The following FOXP4 variants were observed in gnomAD, a reference collection of about 807,000 sequenced individuals.
The protein encoded by FOXP4 is forkhead box P4, also known as forkhead box protein P4.
A neutral mutation model predicts 82.6 loss-of-function variants in FOXP4; 25 were observed. The ratio of observed to expected loss-of-function variants is 0.30; its 90% CI spans 0.22 to 0.42. The LOEUF (loss-of-function observed/expected upper bound fraction) is 0.42. Among genes scored for constraint, FOXP4 ranks in the 10% least tolerant of loss-of-function variants. FOXP4 has a pLI of 1.00. For synonymous variants in FOXP4, 415 were observed against 388.2 expected (o/e 1.07, Z -0.81); for missense variants, 785 against 900.9 (o/e 0.87, Z 1.65).
chr6:41,589,720 G>A (rs760058760), intron 9 of FOXP4, 51 bp from the exon 10 acceptor site: 2 of 1,568,824 alleles, frequency 1.3e-6, no homozygotes, highest in Non-Finnish European at 1.7e-6. Context: ...GGACAACACT[G>A]CCTCCAGGGT....
intron 1 of FOXP4, among the ~76,000 whole-genome samples, chr6:41,549,545 G>T (rs1763879072): frequency 1.3e-5 from 2 of 152,102 alleles, no homozygotes; most frequent in African/African-American, 4.8e-5. Flanking sequence ...TCCTTGGTGG[G>T]AGGGAAGCAG....
chr6:41,597,912 C>A lies in FOXP4; in HGVS notation c.1857C>A (p.Gly619=). Residue 619 remains glycine, a synonymous_variant, in exon 16 of 17, where the codon GGC becomes GGA. Transcript: ENST00000307972. ...CCGTGGAGCCGCTGCCCAGCAACGG[C>A]AGCAGCAGCCCTCCTCGCCTCTCCC... ...GAPVEPLPSN[G]SSSPPRLSPP... is the part of the protein sequence containing the mutation. 6.3e-7 allele frequency: 1 copy of A among 1,579,686 alleles called. No individual in the cohort carries two copies. Among genetic ancestry groups the A allele is most frequent in the East Asian group, 2.3e-5 (1 of 43,472 alleles).
intron 3 of FOXP4, among the ~76,000 whole-genome samples, chr6:41,580,799 A>C (rs1383315382): frequency 6.6e-6 from 1 of 152,162 alleles, no homozygotes; most frequent in Non-Finnish European, 1.5e-5. Context: ...AAGGGAGATC[A>C]AGCGCAGCTC....
intron 8 of FOXP4, 89 bp downstream of exon 8, chr6:41,587,986 G>A: frequency 1.4e-6 from 1 of 713,390 alleles, no homozygotes; most frequent in East Asian, 2.7e-5. Flanking sequence ...CCTTCTGGGA[G>A]CCCTCCTCAC....
intron 15 of FOXP4, 60 bp from the exon 16 acceptor site, chr6:41,597,721 T>TA: frequency 6.4e-7 from 1 of 1,564,090 alleles, no homozygotes; most frequent in Non-Finnish European, 8.6e-7. Flanking sequence ...GCACAGCACT[T>TA]GACTGAGTGT....
chr6:41,589,387 C>T (rs1766353150), intron 9 of FOXP4, among the ~76,000 whole-genome samples: 1 of 152,244 alleles, frequency 6.6e-6, no homozygotes, highest in Admixed American at 6.5e-5. Context: ...TCAGTTCCTG[C>T]ATCTGCATTC....
At position 41,597,929 on chromosome 6, in the gene FOXP4, G is replaced by A. The variant is rs766679556; in HGVS notation, c.1874G>A (p.Arg625His). 1.2e-5 allele frequency: 18 copies of A among 1,553,600 alleles called. No individual in the cohort carries two copies. In the East Asian group the frequency reaches 1.7e-4, roughly 14 times the overall value. Residue 625 changes from arginine (R) to histidine (H), a missense_variant, in exon 16 of 17, where the codon CGC (arginine) becomes CAC (histidine). Transcript: ENST00000307972. The stretch of plus-strand genomic sequence containing the variant: ...AGCAACGGCAGCAGCAGCCCTCCTC[G>A]CCTCTCCCCGCCCCAGTACAGGTGA... ...LPSNGSSSPPRLSPPQYSHQV... is the reference protein window; with the variant it reads ...LPSNGSSSPPHLSPPQYSHQV...
rs1766301569 is a variant in FOXP4 at position 41,588,556 on chromosome 6, C to T, written c.978-88C>T. 4 of 1,293,724 alleles carry T rather than the reference C, an allele frequency of 3.1e-6. No individual in the cohort carries two copies. The Admixed American group carries it at 5.1e-5, about 16-fold the overall frequency. The allele number at this position is 1,293,724 out of a possible 1,614,324, so 80.1% of individuals were successfully genotyped here. A position where few individuals can be genotyped will look rare whatever the true frequency, so the allele number is the denominator to read the frequency against. ...CTCTTGGTCTGTCTGCTTTTCAGGC[C>T]ATGGGTGGGATTAGAGGATAGGATG... On this transcript the variant is annotated intron_variant, in intron 8 of 16. Transcript: ENST00000307972.
chr6:41,580,951 C>T (rs1765763969), intron 3 of FOXP4, among the ~76,000 whole-genome samples: 1 of 152,234 alleles, frequency 6.6e-6, no homozygotes, highest in Non-Finnish European at 1.5e-5. Context: ...GTCTCCAGCT[C>T]CAGCCTAGTG....
At chr6:41,578,980 T>C (rs1459450304) in intron 3 of FOXP4, among the ~76,000 whole-genome samples, 1 of 151,684 alleles carries the variant, frequency 6.6e-6, no homozygotes, top group Non-Finnish European at 1.5e-5. Context: ...GGAGGTGCTC[T>C]GGAGTCTGGG....
chr6:41,561,338 C>T (rs1764567943), intron 1 of FOXP4, among the ~76,000 whole-genome samples: 1 of 152,150 alleles, frequency 6.6e-6, no homozygotes, highest in Non-Finnish European at 1.5e-5. Flanking sequence ...TTGCCCCCAA[C>T]ATGTGGTAGG....
chr6:41,597,371 C>T (rs1226940158), intron 15 of FOXP4, 129 bp downstream of exon 15: 11 of 923,784 alleles, frequency 1.2e-5, no homozygotes, highest in African/African-American at 4.9e-5. Context: ...CCAAACTCTC[C>T]GAGACCCCAC....
At chr6:41,569,826 C>T (rs1765086689) in intron 2 of FOXP4, among the ~76,000 whole-genome samples, 2 of 152,150 alleles carry the variant, frequency 1.3e-5, no homozygotes, top group African/African-American at 4.8e-5. Context: ...GGGCCAAATC[C>T]CATCCCGTTC....
Position 41,601,251 on chromosome 6 carries a change from A to T in FOXP4, c.*2315A>T, listed in dbSNP as rs2127415859. The T allele has an allele frequency of 6.6e-6, 1 of 150,714 alleles. No individual in the cohort carries two copies. Among genetic ancestry groups the T allele is most frequent in the South Asian group, 2.1e-4 (1 of 4,726 alleles). The allele number at this position is 150,714 out of a possible 1,614,324, so 9.3% of individuals were successfully genotyped here. On this transcript the variant is annotated 3_prime_UTR_variant, in exon 17 of 17. Transcript: ENST00000307972. ...GGAAACGGGATCATTCAACCTATACAAAGGGGACCCTGGATAGGCTGCAAG... is the reference window on the plus strand; with the variant it reads ...GGAAACGGGATCATTCAACCTATACTAAGGGGACCCTGGATAGGCTGCAAG...
At chr6:41,552,097 T>C (rs1397329774) in intron 1 of FOXP4, among the ~76,000 whole-genome samples, 1 of 152,140 alleles carries the variant, frequency 6.6e-6, no homozygotes, top group East Asian at 1.9e-4. Context: ...TTGGGGTAGC[T>C]TCCGTTCTCA....
intron 2 of FOXP4, among the ~76,000 whole-genome samples, chr6:41,574,230 A>G (rs748109827): frequency 4.6e-5 from 7 of 152,044 alleles, no homozygotes; most frequent in Non-Finnish European, 8.8e-5. Flanking sequence ...GATTAGGGGG[A>G]AGGCAGATTT....
In FOXP4 at chr6:41,593,534, G is replaced by A. The variant is rs9369292; in HGVS notation, c.1537-1336G>A. On this transcript the variant is annotated intron_variant, in intron 13 of 16. Transcript: ENST00000307972. The surrounding 1 kb of genome is among the most constrained non-coding windows in gnomAD (Gnocchi z 4.1). Reference sequence around the variant, plus strand: ...AGTCTCTCATCACGAATCAGGCTTCGAAATGAGGGAAAAAAGCCCCGGTGA... The same window carrying A: ...AGTCTCTCATCACGAATCAGGCTTCAAAATGAGGGAAAAAAGCCCCGGTGA... 6.6e-6 allele frequency among the ~76,000 whole-genome samples: 1 copy of A among 152,150 alleles called. No homozygotes were observed. The highest frequency in any genetic ancestry group is 2.4e-5 in the African/African-American group (1 of 41,438).
At chr6:41,557,959 C>T (rs1446443812) in intron 1 of FOXP4, among the ~76,000 whole-genome samples, 3 of 152,146 alleles carry the variant, frequency 2.0e-5, no homozygotes, top group Non-Finnish European at 4.4e-5. Flanking sequence ...TGCCCTGCCA[C>T]TTGTACTGAT....
chr6:41,594,764 G>A (rs1766723174), intron 13 of FOXP4, 106 bp from the exon 14 acceptor site: 1 of 1,526,580 alleles, frequency 6.6e-7, no homozygotes, highest in Admixed American at 1.8e-5. Context: ...CCCTGAGCTG[G>A]GGAAGGTGGG....
Sources: allele counts gnomAD v4.1 joint callset (sites outside exome capture counted in the v4.1 genomes callset), GRCh38; gene constraint gnomAD v4.1.1; non-coding constraint Gnocchi (gnomAD v3.1); transcripts MANE v1.5; gene names NCBI Gene and HGNC (gene_info 2026-07-23, HGNC 2026-07-21).